The following FGFR1OP2 variants were observed in gnomAD, a reference collection of about 807,000 sequenced individuals.
FGFR1OP2 encodes FGFR1 oncogene partner 2, also known as fibroblast growth factor receptor 1 oncogene partner 2.
A neutral mutation model predicts 35.2 loss-of-function variants in FGFR1OP2; 17 were observed. That is an observed-to-expected ratio of 0.48 (90% CI 0.33 to 0.73). The LOEUF (loss-of-function observed/expected upper bound fraction) is 0.73. Among genes scored for constraint, FGFR1OP2 ranks in the 30% least tolerant of loss-of-function variants. The pLI, the probability that FGFR1OP2 is intolerant of heterozygous loss-of-function variation, is 0.02. For missense variants in FGFR1OP2, 251 were observed against 307.3 expected, an observed-to-expected ratio of 0.82 and a Z score of 1.37; for synonymous variants, 105 against 104.6, an observed-to-expected ratio of 1.00 and a Z score of -0.03.
intron 1 of FGFR1OP2, among the ~76,000 whole-genome samples, chr12:26,942,591 A>G (rs554857830): frequency 6.6e-6 from 1 of 152,326 alleles, no homozygotes; most frequent in South Asian, 2.1e-4. Flanking sequence ...TACATATTAG[A>G]TAGGGAGAGT....
chr12:26,939,825 G>A (rs1459062835), intron 1 of FGFR1OP2, among the ~76,000 whole-genome samples: 1 of 152,190 alleles, frequency 6.6e-6, no homozygotes, highest in Non-Finnish European at 1.5e-5. Flanking sequence ...ATATACATAT[G>A]TATGTTTATT....
At chr12:26,954,335 G>C (rs2129092) in intron 2 of FGFR1OP2, 42 bp downstream of exon 2, 1 of 1,547,374 alleles carries the variant, frequency 6.5e-7, no homozygotes, top group Non-Finnish European at 8.7e-7. Context: ...ATCAAAAGCA[G>C]TCATTGACAT....
intron 1 of FGFR1OP2, among the ~76,000 whole-genome samples, chr12:26,949,653 G>A (rs840868): frequency 0.76 from 114,852 of 151,992 alleles, 44,389 homozygotes; most frequent in East Asian, 0.94. Flanking sequence ...ATCTTGGCTC[G>A]CTGCAACCTC....
intron 1 of FGFR1OP2, among the ~76,000 whole-genome samples, chr12:26,947,679 G>T (rs1174776438): frequency 6.6e-6 from 1 of 152,092 alleles, no homozygotes; most frequent in Non-Finnish European, 1.5e-5. Context: ...ACTATGCCCG[G>T]CCTGTCCTTT....
intron 1 of FGFR1OP2, among the ~76,000 whole-genome samples, chr12:26,938,939 A>G (rs1938643941): frequency 6.6e-6 from 1 of 152,068 alleles, no homozygotes; most frequent in South Asian, 2.1e-4. Context: ...GTTCAATGAA[A>G]AGCCTTGGCT....
chr12:26,942,410 GTAGT>G (rs1249866727), intron 1 of FGFR1OP2, among the ~76,000 whole-genome samples: 2 of 152,200 alleles, frequency 1.3e-5, no homozygotes, highest in Non-Finnish European at 2.9e-5. Flanking sequence ...ACAGTATAAG[GTAGT>G]TAGTTATTGC....
At chr12:26,947,174 A>T (rs1047925452) in intron 1 of FGFR1OP2, among the ~76,000 whole-genome samples, 1 of 152,188 alleles carries the variant, frequency 6.6e-6, no homozygotes, top group South Asian at 2.1e-4. Flanking sequence ...GTTGGATCAC[A>T]TGTTTAACCT....
At chr12:26,964,474 C>T in intron 6 of FGFR1OP2, 122 bp from the exon 7 acceptor site, 1 of 1,007,098 alleles carries the variant, frequency 9.9e-7, no homozygotes, top group Non-Finnish European at 1.4e-6. Flanking sequence ...TAGATTAATG[C>T]CAATTACAGA....
chr12:26,940,399 A>G (rs1362516275), intron 1 of FGFR1OP2, among the ~76,000 whole-genome samples: 2 of 152,152 alleles, frequency 1.3e-5, no homozygotes, highest in Non-Finnish European at 2.9e-5. Context: ...TCATTCCACT[A>G]TTTTCAAGGA....
intron 4 of FGFR1OP2, 156 bp downstream of exon 4, chr12:26,957,899 T>TG: frequency 1.8e-6 from 1 of 556,448 alleles, no homozygotes; most frequent in East Asian, 3.4e-5. Flanking sequence ...TTCTCCTTTT[T>TG]CTTATTTTTC....
intron 2 of FGFR1OP2, among the ~76,000 whole-genome samples, chr12:26,956,073 T>C (rs1368208416): frequency 1.3e-5 from 2 of 152,164 alleles, no homozygotes; most frequent in East Asian, 3.9e-4. Context: ...GTGTATTTTA[T>C]GTGCAGCGTG....
At chr12:26,953,586 T>G (rs1938972558) in intron 1 of FGFR1OP2, 1 of 152,204 alleles carries the variant, frequency 6.6e-6, no homozygotes, top group Non-Finnish European at 1.5e-5. Context: ...CAACTTTATG[T>G]AAGAAGCAGA....
chr12:26,960,075 A>G (rs1327140119), intron 4 of FGFR1OP2, among the ~76,000 whole-genome samples: 1 of 152,058 alleles, frequency 6.6e-6, no homozygotes, highest in East Asian at 1.9e-4. Context: ...TAGGTAAACA[A>G]GCAGAAGTGG....
intron 1 of FGFR1OP2, among the ~76,000 whole-genome samples, chr12:26,942,220 A>G (rs1039427190): frequency 6.6e-6 from 1 of 152,032 alleles, no homozygotes; most frequent in African/African-American, 2.4e-5. Context: ...TTTAGTACAG[A>G]CAGGGTTTCA....
At position 26,954,215 on chromosome 12, in the gene FGFR1OP2, A is replaced by T; in HGVS notation, c.57A>T (p.Leu19Phe). The T allele has an allele frequency of 1.2e-6, 2 of 1,612,356 alleles. No homozygotes were observed. Residue 19 changes from leucine (L) to phenylalanine (F), a missense_variant, in exon 2 of 7, where the codon TTA (leucine) becomes TTT (phenylalanine). Coordinates refer to ENST00000229395, the MANE Select transcript of FGFR1OP2 (RefSeq NM_015633.3). ...ACGCTAAAGCTCTTGTTGAAAGATT[A>T]AGAGATCATGACGATGCAGCAGAAT... is the stretch of plus-strand genomic sequence containing the variant. ...LADAKALVERLRDHDDAAESL... is the reference protein window; with the variant it reads ...LADAKALVERFRDHDDAAESL...
At chr12:26,956,142 T>A (rs2136356975) in intron 2 of FGFR1OP2, among the ~76,000 whole-genome samples, 1 of 152,240 alleles carries the variant, frequency 6.6e-6, no homozygotes, top group East Asian at 1.9e-4. Flanking sequence ...CTGAACTACA[T>A]CATTTTACAT....
intron 1 of FGFR1OP2, among the ~76,000 whole-genome samples, chr12:26,948,543 T>A (rs1265766103): frequency 6.6e-6 from 1 of 152,210 alleles, no homozygotes; most frequent in Admixed American, 6.5e-5. Flanking sequence ...TAATATGTCA[T>A]TTTTCTCTGG....
intron 3 of FGFR1OP2, among the ~76,000 whole-genome samples, 197 bp from the exon 4 acceptor site, chr12:26,957,404 A>T (rs1427135578): frequency 6.6e-6 from 1 of 152,190 alleles, no homozygotes; most frequent in Non-Finnish European, 1.5e-5. Flanking sequence ...TGTTGAAATG[A>T]TTCTCAAGAA....
intron 2 of FGFR1OP2, 41 bp downstream of exon 2, chr12:26,954,334 A>G (rs750400178): frequency 6.1e-5 from 94 of 1,552,576 alleles, no homozygotes; most frequent in Non-Finnish European, 7.9e-5. Flanking sequence ...TATCAAAAGC[A>G]GTCATTGACA....
Sources: allele counts gnomAD v4.1 joint callset (sites outside exome capture counted in the v4.1 genomes callset), GRCh38; gene constraint gnomAD v4.1.1; transcripts MANE v1.5; gene names NCBI Gene and HGNC (gene_info 2026-07-23, HGNC 2026-07-21).